THSD7B: variants seen among roughly 807,000 people sequenced by gnomAD.
THSD7B encodes thrombospondin type 1 domain containing 7B, also known as thrombospondin type-1 domain-containing protein 7B.
In THSD7B, 138 loss-of-function variants were observed where a neutral mutation model predicts 213.6. The ratio of observed to expected loss-of-function variants is 0.65; its 90% CI spans 0.56 to 0.74. The LOEUF (loss-of-function observed/expected upper bound fraction) is 0.74. Among genes scored for constraint, THSD7B ranks in the 30% least tolerant of loss-of-function variants. The pLI, the probability that THSD7B is intolerant of heterozygous loss-of-function variation, is 0.00. For synonymous variants in THSD7B, 742 were observed against 687.0 expected, an observed-to-expected ratio of 1.08 and a Z score of -1.25; for missense variants, 1,931 against 1,991.5, an observed-to-expected ratio of 0.97 and a Z score of 0.58.
intron 17 of THSD7B, among the ~76,000 whole-genome samples, chr2:137,584,863 C>T (rs565113884): frequency 3.3e-5 from 5 of 152,166 alleles, no homozygotes; most frequent in African/African-American, 4.8e-5. Flanking sequence ...AATGAGTTAG[C>T]GAGGATTCCC....
chr2:137,025,450 C>T (rs968117652), intron 2 of THSD7B, among the ~76,000 whole-genome samples: 1 of 152,168 alleles, frequency 6.6e-6, no homozygotes, highest in Non-Finnish European at 1.5e-5. Context: ...TGTTTGGAAT[C>T]TTATGTGTGG....
chr2:137,354,531 G>A (rs1685086548), intron 12 of THSD7B, among the ~76,000 whole-genome samples: 1 of 152,008 alleles, frequency 6.6e-6, no homozygotes, highest in African/African-American at 2.4e-5. Flanking sequence ...TGTATTTAGT[G>A]TCTTTCTTTT....
At chr2:137,184,121 C>T (rs890794612) in intron 7 of THSD7B, among the ~76,000 whole-genome samples, 1 of 152,158 alleles carries the variant, frequency 6.6e-6, no homozygotes, top group Non-Finnish European at 1.5e-5. Flanking sequence ...TTCAGTGTGT[C>T]TAGTGAGGAG....
At chr2:137,443,222 C>T (rs948458104) in intron 14 of THSD7B, among the ~76,000 whole-genome samples, 1 of 152,030 alleles carries the variant, frequency 6.6e-6, no homozygotes, top group Non-Finnish European at 1.5e-5. Context: ...ACTGAGATAC[C>T]ATTGTGATTA....
chr2:137,377,704 G>A (rs1385742419), intron 12 of THSD7B, among the ~76,000 whole-genome samples: 1 of 151,756 alleles, frequency 6.6e-6, no homozygotes, highest in African/African-American at 2.4e-5. Flanking sequence ...CTGATTCACG[G>A]CAACCTCTGC....
At chr2:137,654,067 T>C (rs1683187972) in intron 21 of THSD7B, among the ~76,000 whole-genome samples, 1 of 152,188 alleles carries the variant, frequency 6.6e-6, no homozygotes, top group Non-Finnish European at 1.5e-5. Context: ...TGGATATTAC[T>C]TTTTAGTAAT....
intron 2 of THSD7B, among the ~76,000 whole-genome samples, chr2:136,939,739 CT>C (rs1684789164): frequency 6.6e-6 from 1 of 152,172 alleles, no homozygotes; most frequent in Admixed American, 6.6e-5. Context: ...ACGTTGTTCC[CT>C]TCTCGCTTCA....
At chr2:137,164,356 C>T (rs1187893212) in intron 6 of THSD7B, among the ~76,000 whole-genome samples, 3 of 152,130 alleles carry the variant, frequency 2.0e-5, no homozygotes, top group South Asian at 2.1e-4. Context: ...GTTAGAATGG[C>T]GATCATTAAA....
At chr2:137,467,804 G>T (rs1348983849) in intron 15 of THSD7B, among the ~76,000 whole-genome samples, 2 of 152,092 alleles carry the variant, frequency 1.3e-5, no homozygotes, top group Admixed American at 6.6e-5. Context: ...TTGGCAAAGG[G>T]ATGATTCTAT....
rs141362736 is a variant in THSD7B, at chr2:137,193,780, G to A, written c.1723+22842G>A. The stretch of plus-strand genomic sequence containing the variant: ...AAAAGCCAGAACTCATAAGGTTACG[G>A]GATGCATACAAAACTTCTGACCTGC... On this transcript the variant is annotated intron_variant, in intron 7 of 27. Transcript: ENST00000409968. Among the ~76,000 whole-genome samples the A allele has an allele frequency of 1.7e-3, 264 of 151,774 alleles. 1 individual carries two copies. Among genetic ancestry groups the A allele is most frequent in the African/African-American group, 6.1e-3 (252 of 41,364 alleles).
chr2:136,765,929 G>A (rs1227838461), intron 1 of THSD7B, among the ~76,000 whole-genome samples: 2 of 152,254 alleles, frequency 1.3e-5, no homozygotes, highest in African/African-American at 2.4e-5. Flanking sequence ...CGCAGTGTGC[G>A]GAGACCCTCT....
In THSD7B at chr2:137,056,433, G is replaced by A. The variant is rs1336013497; in HGVS notation, c.153G>A (p.Arg51=). 6.2e-7 allele frequency: 1 copy of A among 1,612,594 alleles called. No individual in the cohort carries two copies. Among genetic ancestry groups the A allele is most frequent in the Admixed American group, 1.7e-5 (1 of 59,944 alleles). ...QFIWKPGPWG[R]CTGDCGPGGV... is the part of the protein sequence containing the mutation. ...TTCTGCCTGTAGGTCCGTGGGGAAG[G>A]TGTACAGGAGACTGTGGTCCCGGAG... Residue 51 remains arginine, a synonymous_variant, in exon 3 of 28, where the codon AGG becomes AGA. Coordinates refer to ENST00000409968, the MANE Select transcript of THSD7B (RefSeq NM_001316349.2).
At chr2:136,766,022 G>T (rs896473668) in intron 1 of THSD7B, among the ~76,000 whole-genome samples, 4 of 152,204 alleles carry the variant, frequency 2.6e-5, no homozygotes, top group Non-Finnish European at 4.4e-5. Flanking sequence ...GGCAGCAGGA[G>T]CTCTGTTCCC....
chr2:137,583,059 G>A lies in THSD7B; in HGVS notation c.3423+10503G>A, dbSNP rs977931331. On this transcript the variant is annotated intron_variant, in intron 17 of 27. Transcript: ENST00000409968. ...AACTGGTGTGAGATGATATCTCATTGTGGTTTTGATTTGCATTTCTCTGAT... is the reference window on the plus strand; with the variant it reads ...AACTGGTGTGAGATGATATCTCATTATGGTTTTGATTTGCATTTCTCTGAT... Among the ~76,000 whole-genome samples the A allele has an allele frequency of 3.9e-4, 59 of 152,192 alleles. 1 individual carries two copies. Among genetic ancestry groups the A allele is most frequent in the Non-Finnish European group, 7.5e-4 (51 of 68,036 alleles).
intron 2 of THSD7B, among the ~76,000 whole-genome samples, chr2:137,010,492 T>A (rs1686211009): frequency 2.6e-5 from 4 of 152,240 alleles, no homozygotes; most frequent in Admixed American, 2.6e-4. Context: ...TTTTTTTCTA[T>A]ATTGGAAGAC....
chr2:137,537,272 C>T (rs1680524905), intron 15 of THSD7B, among the ~76,000 whole-genome samples: 1 of 151,762 alleles, frequency 6.6e-6, no homozygotes, highest in Non-Finnish European at 1.5e-5. Context: ...ATTATGTCTA[C>T]TACATATGAA....
At chr2:137,257,906 G>A (rs1573916082) in intron 10 of THSD7B, among the ~76,000 whole-genome samples, 2 of 152,084 alleles carry the variant, frequency 1.3e-5, no homozygotes, top group East Asian at 3.9e-4. Flanking sequence ...CCACTTACTG[G>A]GACCTTGCAT....
At chr2:137,286,253 A>G (rs1239877924) in intron 12 of THSD7B, among the ~76,000 whole-genome samples, 1 of 152,172 alleles carries the variant, frequency 6.6e-6, no homozygotes, top group East Asian at 1.9e-4. Flanking sequence ...TTTCTGATTG[A>G]AAGTGTTCTC....
At chr2:137,547,987 C>T (rs1301791085) in intron 15 of THSD7B, among the ~76,000 whole-genome samples, 2 of 151,970 alleles carry the variant, frequency 1.3e-5, no homozygotes, top group Admixed American at 6.6e-5. Flanking sequence ...CTACTGTGAA[C>T]ACTGGTAAGT....
Sources: allele counts gnomAD v4.1 joint callset (sites outside exome capture counted in the v4.1 genomes callset), GRCh38; gene constraint gnomAD v4.1.1; transcripts MANE v1.5; gene names NCBI Gene and HGNC (gene_info 2026-07-23, HGNC 2026-07-21).